Variants in DERA observed in about 807,000 individuals in gnomAD.
The protein encoded by DERA is 2-deoxy-D-ribose 5-phosphate aldolase.
DERA carries 15 observed loss-of-function variants against 41.1 expected under a neutral mutation model. The observed-to-expected ratio is 0.37, with a 90% CI of 0.24 to 0.56. DERA has a LOEUF of 0.56. Ranked by LOEUF, DERA falls within the 20% of genes least tolerant of loss-of-function variation. The pLI is 0.81. For missense variants in DERA, 396 were observed against 403.4 expected (o/e 0.98, Z 0.16); for synonymous variants, 139 against 137.4 (o/e 1.01, Z -0.08).
rs761029959 is a variant in DERA at position 16,010,501 on chromosome 12, T to A, written c.638-22041T>A. Among the ~76,000 whole-genome samples, 2 of 151,782 alleles carry A rather than the reference T, an allele frequency of 1.3e-5. No homozygotes were observed. Among genetic ancestry groups the A allele is most frequent in the Non-Finnish European group, 2.9e-5 (2 of 67,992 alleles). ...TGCTTTCCCCTTTGCCAGCATATACTGCTTTTGTTGAGGAATCAAGGTCTC... is the reference window on the plus strand; with the variant it reads ...TGCTTTCCCCTTTGCCAGCATATACAGCTTTTGTTGAGGAATCAAGGTCTC... On this transcript the variant is annotated intron_variant, in intron 6 of 8. Coordinates refer to ENST00000428559, the MANE Select transcript of DERA (RefSeq NM_015954.4). This position sits in a 1 kb window ranked among gnomAD's most constrained non-coding sequence, Gnocchi z 5.5.
At position 15,989,125 on chromosome 12, in the gene DERA, T is replaced by G. The variant is rs1174028098; in HGVS notation, c.637+6689T>G. ...TGCCTGGGTCTGGAGATGTGGCTTGTTGGATGCAGCTGCCCCTGGGAGCAC... is the reference window on the plus strand; with the variant it reads ...TGCCTGGGTCTGGAGATGTGGCTTGGTGGATGCAGCTGCCCCTGGGAGCAC... On this transcript the variant is annotated intron_variant, in intron 6 of 8. Transcript: ENST00000428559. The surrounding 1 kb of genome is among the most constrained non-coding windows in gnomAD (Gnocchi z 5.2). Among the ~76,000 whole-genome samples the G allele has an allele frequency of 6.6e-6, 1 of 152,200 alleles. No individual in the cohort carries two copies. Among genetic ancestry groups the G allele is most frequent in the East Asian group, 1.9e-4 (1 of 5,176 alleles).
chr12:15,976,669 T>C lies in DERA; in HGVS notation c.509-5639T>C, dbSNP rs1421547634. Among the ~76,000 whole-genome samples the C allele has an allele frequency of 6.6e-6, 1 of 152,216 alleles. No individual in the cohort carries two copies. Among genetic ancestry groups the C allele is most frequent in the Non-Finnish European group, 1.5e-5 (1 of 68,032 alleles). On this transcript the variant is annotated intron_variant, in intron 5 of 8. Transcript: ENST00000428559. The surrounding 1 kb of genome is among the most constrained non-coding windows in gnomAD (Gnocchi z 4.1). ...AGTCAACGTTTACCATCATTTTACG[T>C]GTGCTTATTATCAAAGGTGGATCTG...
At position 16,007,633 on chromosome 12, in the gene DERA, G is replaced by T. The variant is rs572140576; in HGVS notation, c.638-24909G>T. On this transcript the variant is annotated intron_variant, in intron 6 of 8. Coordinates refer to ENST00000428559, the MANE Select transcript of DERA (RefSeq NM_015954.4). ...CAATATAATGATGGTTAGTGAGGCA[G>T]GCATGGCTCTCAAAGAGTATGTAGT... Among the ~76,000 whole-genome samples, 9 of 152,310 alleles carry T rather than the reference G, an allele frequency of 5.9e-5. No homozygotes were observed. The South Asian group carries it at 1.9e-3, about 32-fold the overall frequency.
chr12:16,023,374 A>G (rs1242824983), intron 6 of DERA, among the ~76,000 whole-genome samples: 2 of 152,008 alleles, frequency 1.3e-5, no homozygotes, highest in African/African-American at 2.4e-5. Flanking sequence ...ACCTTACACC[A>G]AAGGCCCATT....
chr12:16,002,271 T>TA (rs1210284430), intron 6 of DERA, among the ~76,000 whole-genome samples: 10 of 152,176 alleles, frequency 6.6e-5, no homozygotes, highest in African/African-American at 2.4e-4. Context: ...AAGGTTATTC[T>TA]AAACTCTAAA....
In DERA at chr12:15,941,393, A is replaced by G. The variant is rs921499095; in HGVS notation, c.32-15543A>G. On this transcript the variant is annotated intron_variant, in intron 1 of 8. Transcript: ENST00000428559. The surrounding 1 kb of genome is among the most constrained non-coding windows in gnomAD (Gnocchi z 4.5). ...AGCCACAATTTTTTTTTTAATTTCA[A>G]TAGTTTTTGAGGTACAGGTGGTTTT... Among the ~76,000 whole-genome samples, 2 of 152,180 alleles carry G rather than the reference A, an allele frequency of 1.3e-5. No individual in the cohort carries two copies. Among genetic ancestry groups the G allele is most frequent in the East Asian group, 1.9e-4 (1 of 5,178 alleles).
chr12:15,987,999 G>T (rs1296820373), intron 6 of DERA, among the ~76,000 whole-genome samples: 1 of 152,162 alleles, frequency 6.6e-6, no homozygotes, highest in Non-Finnish European at 1.5e-5. Context: ...CAGACTCCAT[G>T]CGAGGCTGTG....
Position 15,995,390 on chromosome 12 carries a change from C to T in DERA, c.637+12954C>T, listed in dbSNP as rs1948830125. Among the ~76,000 whole-genome samples, 7 of 152,300 alleles carry T rather than the reference C, an allele frequency of 4.6e-5. No individual in the cohort carries two copies. The South Asian group carries it at 1.5e-3, about 32-fold the overall frequency. ...TGTTGAAAAGAAAAGGTAGGGTGCCCAGAGCTAAAAGATCTCTTCTCAGGC... is the reference window on the plus strand; with the variant it reads ...TGTTGAAAAGAAAAGGTAGGGTGCCTAGAGCTAAAAGATCTCTTCTCAGGC... On this transcript the variant is annotated intron_variant, in intron 6 of 8. Coordinates refer to ENST00000428559, the MANE Select transcript of DERA (RefSeq NM_015954.4). The surrounding 1 kb of genome is among the most constrained non-coding windows in gnomAD (Gnocchi z 5.1).
rs1371664968 is a variant in DERA at position 15,965,613 on chromosome 12, T to C, written c.508+2666T>C. Reference sequence around the variant, plus strand: ...GTTTAGGGTATGAATTCGAGGAGACTGGAGTTTGGGGGTGGGGGAGGTTTG... The same window carrying C: ...GTTTAGGGTATGAATTCGAGGAGACCGGAGTTTGGGGGTGGGGGAGGTTTG... On this transcript the variant is annotated intron_variant, in intron 5 of 8. Coordinates refer to ENST00000428559, the MANE Select transcript of DERA (RefSeq NM_015954.4). This position sits in a 1 kb window ranked among gnomAD's most constrained non-coding sequence, Gnocchi z 4.1. Among the ~76,000 whole-genome samples, 2 of 152,140 alleles carry C rather than the reference T, an allele frequency of 1.3e-5. No individual in the cohort carries two copies. Among genetic ancestry groups the C allele is most frequent in the African/African-American group, 4.8e-5 (2 of 41,438 alleles).
At chr12:15,946,211 A>C (rs1948447093) in intron 1 of DERA, among the ~76,000 whole-genome samples, 1 of 152,182 alleles carries the variant, frequency 6.6e-6, no homozygotes, top group Non-Finnish European at 1.5e-5. Context: ...TGTCTCTGCT[A>C]GGCTTTGGTA....
In DERA at chr12:16,003,288, G is replaced by C. The variant is rs922964796; in HGVS notation, c.637+20852G>C. Among the ~76,000 whole-genome samples the C allele has an allele frequency of 1.3e-5, 2 of 152,078 alleles. No homozygotes were observed. The highest frequency in any genetic ancestry group is 2.9e-5 in the Non-Finnish European group (2 of 68,020). ...AAGGACACTAATCATATTGCAGTAG[G>C]AGCCTACCGTACTCCATTGCGACCT... On this transcript the variant is annotated intron_variant, in intron 6 of 8. Transcript: ENST00000428559. This position sits in a 1 kb window ranked among gnomAD's most constrained non-coding sequence, Gnocchi z 4.8.
intron 6 of DERA, 37 bp from the exon 7 acceptor site, chr12:16,032,505 T>G: frequency 8.4e-7 from 1 of 1,190,654 alleles, no homozygotes; most frequent in Non-Finnish European, 1.1e-6. Context: ...AAAAAGAATC[T>G]TTAATTAACA....
chr12:16,029,913 C>CCTTT (rs1555160171), intron 6 of DERA, among the ~76,000 whole-genome samples: 23 of 59,720 alleles, frequency 3.9e-4, no homozygotes, highest in Admixed American at 1.1e-3. Flanking sequence ...TAGCCTTGGT[C>CCTTT]TTTTTTTTTT....
At position 15,922,339 on chromosome 12, in the gene DERA, C is replaced by A. The variant is rs895332923; in HGVS notation, c.31+10925C>A. Among the ~76,000 whole-genome samples the A allele has an allele frequency of 3.3e-5, 5 of 152,308 alleles. No homozygotes were observed. In the East Asian group the frequency reaches 9.7e-4, roughly 29 times the overall value. On this transcript the variant is annotated intron_variant, in intron 1 of 8. Coordinates refer to ENST00000428559, the MANE Select transcript of DERA (RefSeq NM_015954.4). This position sits in a 1 kb window ranked among gnomAD's most constrained non-coding sequence, Gnocchi z 4.9. ...ATCATTTAAAAATGCTGTGGGAAAT[C>A]TCTTGAGCTAGGCAAAGATCTCATA...
rs201308678 is a variant in DERA at position 16,036,237 on chromosome 12, G to T, written c.756G>T (p.Gly252=). Residue 252 remains glycine, a synonymous_variant, in exon 8 of 9, where the codon GGG becomes GGT. Coordinates refer to ENST00000428559, the MANE Select transcript of DERA (RefSeq NM_015954.4). The surrounding 1 kb of genome is among the most constrained non-coding windows in gnomAD (Gnocchi z 4.9). The part of the protein sequence containing the change: ...DFFWKTGNKI[G]FKPAGGIRSA... Reference sequence around the variant, plus strand: ...TTCTCTGCCTTCCCATTTAGATAGGGTTTAAACCAGCAGGAGGCATCCGCA... The same window carrying T: ...TTCTCTGCCTTCCCATTTAGATAGGTTTTAAACCAGCAGGAGGCATCCGCA... 1.2e-6 allele frequency: 2 copies of T among 1,606,676 alleles called. No individual in the cohort carries two copies. The highest frequency in any genetic ancestry group is 1.7e-6 in the Non-Finnish European group (2 of 1,177,324).
Position 15,966,577 on chromosome 12 carries a change from T to C in DERA, c.508+3630T>C, listed in dbSNP as rs1948624590. On this transcript the variant is annotated intron_variant, in intron 5 of 8. Coordinates refer to ENST00000428559, the MANE Select transcript of DERA (RefSeq NM_015954.4). This position sits in a 1 kb window ranked among gnomAD's most constrained non-coding sequence, Gnocchi z 5.1. The stretch of plus-strand genomic sequence containing the variant: ...ATTATGTCCAGGGCATACTCCCCAG[T>C]TGTTTATTCAGCATTACCATGCAAC... Among the ~76,000 whole-genome samples the C allele has an allele frequency of 6.6e-6, 1 of 152,100 alleles. No homozygotes were observed.
rs1014341032 is a variant in DERA, at chr12:16,011,549, C to T, written c.638-20993C>T. On this transcript the variant is annotated intron_variant, in intron 6 of 8. Transcript: ENST00000428559. The surrounding 1 kb of genome is among the most constrained non-coding windows in gnomAD (Gnocchi z 4.7). ...CTTGTACCTTGCTTGTATTGAGGTT[C>T]CATTTCCCCCTTCCCTCTCAGCAAA... Among the ~76,000 whole-genome samples, 2 of 152,062 alleles carry T rather than the reference C, an allele frequency of 1.3e-5. No homozygotes were observed. The highest frequency in any genetic ancestry group is 4.8e-5 in the African/African-American group (2 of 41,412).
Position 16,036,512 on chromosome 12 carries a change from C to T in DERA, c.900+131C>T. On this transcript the variant is annotated intron_variant, in intron 8 of 8. Coordinates refer to ENST00000428559, the MANE Select transcript of DERA (RefSeq NM_015954.4). The surrounding 1 kb of genome is among the most constrained non-coding windows in gnomAD (Gnocchi z 4.9). ...CATCCTACCCAATCCTCTACCTTTT[C>T]TTCCAAGCAAACCGCCATCAGAAGT... The T allele has an allele frequency of 8.4e-7, 1 of 1,193,454 alleles. No homozygotes were observed. The highest frequency in any genetic ancestry group is 1.2e-6 in the Non-Finnish European group (1 of 860,072). The allele number at this position is 1,193,454 out of a possible 1,614,324, so 73.9% of individuals were successfully genotyped here.
intron 1 of DERA, among the ~76,000 whole-genome samples, chr12:15,934,287 G>T (rs1948349885): frequency 6.6e-6 from 1 of 152,102 alleles, no homozygotes; most frequent in Non-Finnish European, 1.5e-5. Flanking sequence ...GAACTGTGCT[G>T]TTAGAAGTTT....
Sources: gnomAD v4.1 joint callset for allele counts (sites outside exome capture counted in the v4.1 genomes callset) on GRCh38, gnomAD v4.1.1 for gene constraint, Gnocchi (gnomAD v3.1) non-coding constraint, MANE v1.5 for transcripts, NCBI Gene and HGNC (gene_info 2026-07-23, HGNC 2026-07-21) for gene names.